Variants in OR4N2 observed in about 807,000 individuals in gnomAD.
OR4N2 encodes the protein olfactory receptor family 4 subfamily N member 2.
For synonymous variants in OR4N2, 141 were observed against 140.4 expected (o/e 1.00, Z -0.03); for missense variants, 307 against 377.6 (o/e 0.81, Z 1.55).
Position 19,827,750 on chromosome 14 carries a change from T to A in OR4N2, c.302T>A (p.Leu101His). The A allele has an allele frequency of 6.2e-7, 1 of 1,614,282 alleles. No homozygotes were observed. The highest frequency in any genetic ancestry group is 8.5e-7 in the Non-Finnish European group (1 of 1,180,056). The change falls in exon 2 of 2, where the codon CTC (leucine) becomes CAC (histidine). Residue 101 changes from leucine (L) to histidine (H), a missense_variant. By Grantham distance (99) the Leu-to-His change is moderately conservative. Coordinates refer to ENST00000557677, the MANE Select transcript of OR4N2 (RefSeq NM_001004723.3). Reference protein sequence around the residue: ...IISYRGCITQLFFLHFLGGGE... With the variant: ...IISYRGCITQHFFLHFLGGGE... ...TCCTACAGAGGCTGCATCACTCAGCTCTTTTTCTTGCACTTCCTTGGAGGA... is the reference window on the plus strand; with the variant it reads ...TCCTACAGAGGCTGCATCACTCAGCACTTTTTCTTGCACTTCCTTGGAGGA...
At chr14:19,811,176 G>T (rs1381696616) in intron 1 of OR4N2, among the ~76,000 whole-genome samples, 1 of 152,208 alleles carries the variant, frequency 6.6e-6, no homozygotes, top group African/African-American at 2.4e-5. Flanking sequence ...ATCTGACACA[G>T]GATTTTGCAT....
Position 19,830,109 on chromosome 14 carries a change from AC to A in OR4N2, c.*1738del, listed in dbSNP as rs1186776744. 2.0e-5 allele frequency: 3 copies of A among 152,576 alleles called. No homozygotes were observed. The highest frequency in any genetic ancestry group is 4.4e-5 in the Non-Finnish European group (3 of 68,350). 9.5% of individuals were successfully genotyped at this position (152,576 alleles called of 1,614,324 possible). A position where few individuals can be genotyped will look rare whatever the true frequency, so the allele number is the denominator to read the frequency against. Reference sequence around the variant, plus strand: ...CCCCTCCTCTCTACTAAAGGCAATTACTCTGGTAACTCTCCTTTCCCTCACC... The same window carrying A: ...CCCCTCCTCTCTACTAAAGGCAATTATCTGGTAACTCTCCTTTCCCTCACC... On this transcript the variant is annotated 3_prime_UTR_variant, in exon 2 of 2. Coordinates refer to ENST00000557677, the MANE Select transcript of OR4N2 (RefSeq NM_001004723.3).
chr14:19,811,100 T>C (rs1338353002), intron 1 of OR4N2, among the ~76,000 whole-genome samples: 3 of 152,250 alleles, frequency 2.0e-5, no homozygotes, highest in African/African-American at 7.2e-5. Flanking sequence ...AACTCATTCA[T>C]AAAATAGAAG....
intron 1 of OR4N2, among the ~76,000 whole-genome samples, chr14:19,813,841 C>CTTTTTTTTT (rs34020966): frequency 6.1e-4 from 89 of 145,962 alleles, no homozygotes; most frequent in African/African-American, 1.9e-3. Context: ...GTTTCTTCAC[C>CTTTTTTTTT]TTTTTTTTTT....
At chr14:19,811,537 T>A (rs543781046) in intron 1 of OR4N2, among the ~76,000 whole-genome samples, 1 of 152,268 alleles carries the variant, frequency 6.6e-6, no homozygotes, top group East Asian at 1.9e-4. Context: ...TGAGCCACCC[T>A]GCCTGGCTAC....
At position 19,830,155 on chromosome 14, in the gene OR4N2, T is replaced by C. The variant is rs1879833254; in HGVS notation, c.*1783T>C. 6.6e-6 allele frequency: 1 copy of C among 152,460 alleles called. No homozygotes were observed. The highest frequency in any genetic ancestry group is 2.4e-5 in the African/African-American group (1 of 41,472). The allele number at this position is 152,460 out of a possible 1,614,324, so 9.4% of individuals were successfully genotyped here. On this transcript the variant is annotated 3_prime_UTR_variant, in exon 2 of 2. Transcript: ENST00000557677. ...CTCACCTATAACATGAACTTTGTCC[T>C]CCCTATTGGGTGTAACCTTTAGCGT...
chr14:19,825,850 G>T (rs1879684006), intron 1 of OR4N2, among the ~76,000 whole-genome samples: 1 of 152,168 alleles, frequency 6.6e-6, no homozygotes, highest in African/African-American at 2.4e-5. Context: ...GAGTCATCGT[G>T]CCCGGCCGCT....
intron 1 of OR4N2, among the ~76,000 whole-genome samples, chr14:19,814,470 T>C (rs1327324611): frequency 6.6e-6 from 1 of 152,202 alleles, no homozygotes; most frequent in Non-Finnish European, 1.5e-5. Context: ...AAGGTGCTTA[T>C]CTCGCATGCA....
chr14:19,804,006 G>T (rs1176002190), intron 1 of OR4N2, among the ~76,000 whole-genome samples, 162 bp downstream of exon 1: 1 of 152,108 alleles, frequency 6.6e-6, no homozygotes, highest in Non-Finnish European at 1.5e-5. Flanking sequence ...AGTCTCTGAG[G>T]GTTTTTAAAA....
intron 1 of OR4N2, among the ~76,000 whole-genome samples, chr14:19,821,773 G>A (rs901165528): frequency 6.6e-5 from 10 of 152,200 alleles, no homozygotes; most frequent in African/African-American, 2.4e-4. Context: ...AACTAATATA[G>A]CTTGCCTAAT....
At chr14:19,823,234 A>C (rs111468605) in intron 1 of OR4N2, among the ~76,000 whole-genome samples, 4,273 of 151,892 alleles carry the variant, frequency 0.028, 71 homozygotes, top group East Asian at 0.072. Context: ...CTAATATTAC[A>C]TCCCTATTTT....
At chr14:19,807,863 G>A (rs985511821) in intron 1 of OR4N2, among the ~76,000 whole-genome samples, 9 of 152,106 alleles carry the variant, frequency 5.9e-5, no homozygotes, top group Non-Finnish European at 1.5e-5. Context: ...GAATCCATTG[G>A]CACATCAAAA....
Position 19,827,680 on chromosome 14 carries a change from G to T in OR4N2, c.232G>T (p.Ala78Ser), listed in dbSNP as rs1490237781. The T allele has an allele frequency of 6.2e-7, 1 of 1,614,196 alleles. No homozygotes were observed. ...GGATGCATCCTACTCCTTCATTGTG[G>T]CTCCCCGGATGTTGGTGGACTTCCT... ...FLDASYSFIV[A>S]PRMLVDFLSA... The change falls in exon 2 of 2, where the codon GCT (alanine) becomes TCT (serine). Residue 78 changes from alanine (A) to serine (S), a missense_variant. By Grantham distance (99) the Ala-to-Ser change is moderately conservative. Coordinates refer to ENST00000557677, the MANE Select transcript of OR4N2 (RefSeq NM_001004723.3).
At chr14:19,817,666 G>GT (rs1242283889) in intron 1 of OR4N2, among the ~76,000 whole-genome samples, 5 of 152,172 alleles carry the variant, frequency 3.3e-5, no homozygotes, top group South Asian at 4.1e-4. Context: ...TTTTTGAAGG[G>GT]TTTTTTGTGT....
At chr14:19,821,872 A>C (rs1879574564) in intron 1 of OR4N2, 2 of 152,268 alleles carry the variant, frequency 1.3e-5, no homozygotes, top group South Asian at 4.1e-4. Flanking sequence ...TTAAAATCTA[A>C]GGTTCCTCAT....
intron 1 of OR4N2, among the ~76,000 whole-genome samples, chr14:19,824,147 G>T (rs1283927227): frequency 6.6e-6 from 1 of 152,224 alleles, no homozygotes; most frequent in African/African-American, 2.4e-5. Flanking sequence ...CTACTAATTT[G>T]CCTAAAATAG....
rs144049698 is a variant in OR4N2, at chr14:19,828,894, A to ATTAAAC, written c.*527_*528insCTTAAA. On this transcript the variant is annotated 3_prime_UTR_variant, in exon 2 of 2. Coordinates refer to ENST00000557677, the MANE Select transcript of OR4N2 (RefSeq NM_001004723.3). ...AATATAGTAATTTAATATGAAAATG[A>ATTAAAC]TTAAAGTTGGAGATACTGGTAGTGT... 16,311 of 155,512 alleles carry ATTAAAC rather than the reference A, an allele frequency of 0.1. 525 individuals carry two copies. The highest frequency in any genetic ancestry group is 0.2 in the African/African-American group (8,001 of 40,904). 9.6% of individuals were successfully genotyped at this position (155,512 alleles called of 1,614,324 possible). A position where few individuals can be genotyped will look rare whatever the true frequency, so the allele number is the denominator to read the frequency against.
intron 1 of OR4N2, among the ~76,000 whole-genome samples, chr14:19,809,612 CT>C: frequency 6.6e-6 from 1 of 152,198 alleles, no homozygotes; most frequent in East Asian, 1.9e-4. Context: ...TACTATAAGG[CT>C]ACAGTAACCA....
At chr14:19,827,217 A>C (rs1375133976) in intron 1 of OR4N2, among the ~76,000 whole-genome samples, 1 of 152,272 alleles carries the variant, frequency 6.6e-6, no homozygotes, top group Non-Finnish European at 1.5e-5. Context: ...CACATGGTTG[A>C]ATGGGAATAA....
Sources: allele counts gnomAD v4.1 joint callset (sites outside exome capture counted in the v4.1 genomes callset), GRCh38; gene constraint gnomAD v4.1.1; transcripts MANE v1.5; gene names NCBI Gene and HGNC (gene_info 2026-07-23, HGNC 2026-07-21).